Variants in SLC1A1 observed in about 807,000 individuals in gnomAD.
The protein encoded by SLC1A1 is excitatory amino acid transporter 3.
In SLC1A1, 43 loss-of-function variants were observed where a neutral mutation model predicts 53.3. The observed-to-expected ratio is 0.81, with a 90% CI of 0.63 to 1.04. The LOEUF is 1.04. SLC1A1 is among the 50% of genes least tolerant of loss of function. SLC1A1 has a pLI of 0.00. For synonymous variants in SLC1A1, 307 were observed against 243.2 expected, an observed-to-expected ratio of 1.26 and a Z score of -2.44; for missense variants, 748 against 664.9, an observed-to-expected ratio of 1.12 and a Z score of -1.37.
At chr9:4,582,972 T>G (rs1821240865) in intron 10 of SLC1A1, 66 bp from the exon 11 acceptor site, 1 of 1,606,474 alleles carries the variant, frequency 6.2e-7, no homozygotes. Context: ...GAGTAACCAT[T>G]TCAGGCCAGG....
At chr9:4,501,190 T>G (rs1321626562) in intron 1 of SLC1A1, among the ~76,000 whole-genome samples, 1 of 148,544 alleles carries the variant, frequency 6.7e-6, no homozygotes, top group Non-Finnish European at 1.5e-5. Flanking sequence ...CTTTTCTATT[T>G]TGTTTTGTTT....
intron 1 of SLC1A1, among the ~76,000 whole-genome samples, chr9:4,517,521 G>A (rs150507790): frequency 2.6e-5 from 4 of 152,186 alleles, no homozygotes; most frequent in Admixed American, 6.5e-5. Context: ...TGTGTTCCAC[G>A]TGCTGATTTC....
rs113277990 is a variant in SLC1A1, at chr9:4,511,566, TACACACACACACAC to T, written c.91+20817_91+20830del. Among the ~76,000 whole-genome samples the T allele has an allele frequency of 2.7e-5, 4 of 146,238 alleles. No homozygotes were observed. In the East Asian group the frequency reaches 6.0e-4, roughly 22 times the overall value. ...TTTTGCCTTAAACTCTTAAGAATTCTACACACACACACACACACACACACACACACACACTACAC... is the reference window on the plus strand; with the variant it reads ...TTTTGCCTTAAACTCTTAAGAATTCTACACACACACACACACACACTACAC... On this transcript the variant is annotated intron_variant, in intron 1 of 11. Coordinates refer to ENST00000262352, the MANE Select transcript of SLC1A1 (RefSeq NM_004170.6).
rs182098208 is a variant in SLC1A1 at position 4,558,154 on chromosome 9, G to C, written c.233-3295G>C. The stretch of plus-strand genomic sequence containing the variant: ...TTTTATGGTCATTAAGTTCTGTAAT[G>C]TTCCTATTTATAGAGGTTTTCAAAG... On this transcript the variant is annotated intron_variant, in intron 2 of 11. Coordinates refer to ENST00000262352, the MANE Select transcript of SLC1A1 (RefSeq NM_004170.6). Among the ~76,000 whole-genome samples the C allele has an allele frequency of 2.6e-5, 4 of 152,276 alleles. No homozygotes were observed. The East Asian group carries it at 7.7e-4, about 29-fold the overall frequency.
At chr9:4,559,352 G>A (rs150559510) in intron 2 of SLC1A1, among the ~76,000 whole-genome samples, 7 of 152,274 alleles carry the variant, frequency 4.6e-5, no homozygotes, top group African/African-American at 1.4e-4. Flanking sequence ...TCCTGGGGTA[G>A]CTGCTACAGA....
intron 5 of SLC1A1, among the ~76,000 whole-genome samples, chr9:4,567,335 TAC>T (rs1450271059): frequency 6.6e-6 from 1 of 152,242 alleles, no homozygotes; most frequent in Non-Finnish European, 1.5e-5. Flanking sequence ...CAGGAATCCT[TAC>T]AGAGTCTGTC....
At chr9:4,526,592 G>C (rs184474920) in intron 1 of SLC1A1, among the ~76,000 whole-genome samples, 124 of 152,276 alleles carry the variant, frequency 8.1e-4, no homozygotes, top group African/African-American at 2.9e-3. Flanking sequence ...TGGAGGATTT[G>C]TTCAGTCTGC....
chr9:4,572,528 G>T, intron 7 of SLC1A1, 140 bp downstream of exon 7: 1 of 814,034 alleles, frequency 1.2e-6, no homozygotes, highest in Non-Finnish European at 2.1e-6. Context: ...AGAGTATTTT[G>T]TGGGGGCTTT....
intron 1 of SLC1A1, among the ~76,000 whole-genome samples, chr9:4,515,684 C>A (rs1008732595): frequency 6.6e-6 from 1 of 152,214 alleles, no homozygotes; most frequent in Non-Finnish European, 1.5e-5. Flanking sequence ...CTGGTTTTCA[C>A]TCCTAGAGTA....
chr9:4,572,697 A>G (rs1326245095), intron 7 of SLC1A1, among the ~76,000 whole-genome samples: 1 of 152,090 alleles, frequency 6.6e-6, no homozygotes, highest in Non-Finnish European at 1.5e-5. Flanking sequence ...ATAGGCATGT[A>G]CCACCATGCC....
chr9:4,510,101 TG>T (rs2130812321), intron 1 of SLC1A1, among the ~76,000 whole-genome samples: 1 of 152,312 alleles, frequency 6.6e-6, no homozygotes, highest in Admixed American at 6.5e-5. Context: ...CCCAAAGTGC[TG>T]GGATTACAGG....
At chr9:4,491,378 G>T (rs1016300598) in intron 1 of SLC1A1, among the ~76,000 whole-genome samples, 1 of 152,234 alleles carries the variant, frequency 6.6e-6, no homozygotes, top group African/African-American at 2.4e-5. Context: ...ATTCGTGCCT[G>T]AATTCTGGGA....
intron 2 of SLC1A1, among the ~76,000 whole-genome samples, chr9:4,550,614 C>T (rs192389993): frequency 2.0e-5 from 3 of 152,290 alleles, no homozygotes; most frequent in East Asian, 3.9e-4. Flanking sequence ...TGGTCTCAAA[C>T]TCCTGGCCTC....
At chr9:4,491,675 C>T (rs1024072559) in intron 1 of SLC1A1, among the ~76,000 whole-genome samples, 2 of 152,194 alleles carry the variant, frequency 1.3e-5, no homozygotes, top group African/African-American at 4.8e-5. Flanking sequence ...GATGCACTTC[C>T]TTGGGATTAG....
intron 8 of SLC1A1, among the ~76,000 whole-genome samples, chr9:4,574,759 A>C (rs1176117543): frequency 2.0e-5 from 3 of 152,248 alleles, no homozygotes; most frequent in Non-Finnish European, 4.4e-5. Context: ...AATATCATTG[A>C]TTTGACTCTC....
chr9:4,492,180 G>A (rs1027699723), intron 1 of SLC1A1, among the ~76,000 whole-genome samples: 2 of 152,054 alleles, frequency 1.3e-5, no homozygotes, highest in Non-Finnish European at 2.9e-5. Context: ...CATTTTTAAG[G>A]GAAAGTTTAT....
intron 1 of SLC1A1, among the ~76,000 whole-genome samples, chr9:4,528,578 A>AAAAC (rs1280369472): frequency 1.3e-5 from 2 of 152,178 alleles, no homozygotes; most frequent in South Asian, 2.1e-4. Context: ...TCCGTCTCAA[A>AAAAC]AAACAAACAA....
intron 1 of SLC1A1, among the ~76,000 whole-genome samples, chr9:4,492,961 A>C (rs1395168468): frequency 1.3e-5 from 2 of 152,078 alleles, no homozygotes; most frequent in Non-Finnish European, 2.9e-5. Context: ...GATTCACTGG[A>C]GACTGGTTTG....
At position 4,585,366 on chromosome 9, in the gene SLC1A1, T is replaced by C; in HGVS notation, c.1383T>C (p.Ile461=). The C allele has an allele frequency of 6.2e-7, 1 of 1,614,154 alleles. No individual in the cohort carries two copies. The highest frequency in any genetic ancestry group is 8.5e-7 in the Non-Finnish European group (1 of 1,180,028). ...NVLGDAFGTG[I]VEKLSKKELE... ...TTGGTGATGCTTTTGGGACGGGCATTGTGGAAAAGCTCTCCAAGAAGGAGC... is the reference window on the plus strand; with the variant it reads ...TTGGTGATGCTTTTGGGACGGGCATCGTGGAAAAGCTCTCCAAGAAGGAGC... The change falls in exon 12 of 12, where the codon ATT becomes ATC. Residue 461 remains isoleucine, a synonymous_variant. Coordinates refer to ENST00000262352, the MANE Select transcript of SLC1A1 (RefSeq NM_004170.6).
Sources: gnomAD v4.1 joint callset for allele counts (sites outside exome capture counted in the v4.1 genomes callset) on GRCh38, gnomAD v4.1.1 for gene constraint, MANE v1.5 for transcripts, NCBI Gene and HGNC (gene_info 2026-07-23, HGNC 2026-07-21) for gene names.